PTDSS1: variants seen among roughly 807,000 people sequenced by gnomAD.
PTDSS1 encodes the protein PSS-1.
In PTDSS1, 45 loss-of-function variants were observed where a neutral mutation model predicts 70.5. That is an observed-to-expected ratio of 0.64 (90% CI 0.50 to 0.82). The LOEUF (loss-of-function observed/expected upper bound fraction) is 0.82, where lower values mean the gene tolerates loss of function less well. PTDSS1 is among the 40% of genes least tolerant of loss of function. The probability of loss-of-function intolerance (pLI) is 0.00; values close to 1 mark genes in which losing one functional copy is unlikely to be tolerated. For synonymous variants in PTDSS1, 188 were observed against 203.8 expected (o/e 0.92, Z 0.66); for missense variants, 417 against 586.1 (o/e 0.71, Z 2.98).
At chr8:96,325,108 T>G (rs1025354507) in intron 10 of PTDSS1, among the ~76,000 whole-genome samples, 1 of 152,214 alleles carries the variant, frequency 6.6e-6, no homozygotes, top group Non-Finnish European at 1.5e-5. Flanking sequence ...TGTCATGAAT[T>G]CCACATTTGA....
intron 4 of PTDSS1, chr8:96,287,488 A>G (rs1810840521): frequency 4.1e-6 from 1 of 241,728 alleles, no homozygotes; most frequent in Non-Finnish European, 8.0e-6. Flanking sequence ...TGACATAGTA[A>G]TACTTACTTG....
At chr8:96,297,637 C>T (rs1810994197) in intron 5 of PTDSS1, among the ~76,000 whole-genome samples, 1 of 152,206 alleles carries the variant, frequency 6.6e-6, no homozygotes, top group South Asian at 2.1e-4. Flanking sequence ...CTACCTGCTG[C>T]TCCTCCCTCT....
At chr8:96,288,184 G>A (rs1053877909) in intron 4 of PTDSS1, among the ~76,000 whole-genome samples, 2 of 152,146 alleles carry the variant, frequency 1.3e-5, no homozygotes, top group African/African-American at 4.8e-5. Context: ...TACCTAGGGT[G>A]AGGTCCAGCA....
At chr8:96,328,360 C>A (rs1490359543) in intron 10 of PTDSS1, among the ~76,000 whole-genome samples, 2 of 152,232 alleles carry the variant, frequency 1.3e-5, no homozygotes, top group African/African-American at 2.4e-5. Flanking sequence ...GTCCTTCCCA[C>A]TCTTTCCATG....
chr8:96,317,045 GTGTATATATATA>G (rs1191460546), intron 9 of PTDSS1, among the ~76,000 whole-genome samples: 14 of 126,198 alleles, frequency 1.1e-4, no homozygotes, highest in Non-Finnish European at 2.3e-4. Context: ...ATATATATGT[GTGTATATATATA>G]TGTGTGTGTG....
At chr8:96,300,214 T>G (rs17707686) in intron 6 of PTDSS1, among the ~76,000 whole-genome samples, 12,003 of 152,176 alleles carry the variant, frequency 0.079, 532 homozygotes, top group African/African-American at 0.099. Flanking sequence ...CCCACACCAT[T>G]GCTTGAGTGA....
intron 1 of PTDSS1, among the ~76,000 whole-genome samples, chr8:96,265,711 C>T (rs897652628): frequency 3.7e-4 from 57 of 152,322 alleles, no homozygotes; most frequent in African/African-American, 1.3e-3. Context: ...AGCTGAATCA[C>T]GCCACCATAC....
At chr8:96,276,692 C>G (rs1810646914) in intron 2 of PTDSS1, among the ~76,000 whole-genome samples, 1 of 152,146 alleles carries the variant, frequency 6.6e-6, no homozygotes, top group African/African-American at 2.4e-5. Context: ...CTGGCTTTCT[C>G]CATAATATGT....
intron 7 of PTDSS1, among the ~76,000 whole-genome samples, chr8:96,305,505 C>T (rs1026782725): frequency 6.6e-6 from 1 of 152,152 alleles, no homozygotes; most frequent in African/African-American, 2.4e-5. Flanking sequence ...TGCTACTCAT[C>T]ATGATGAACT....
Position 96,315,891 on chromosome 8 carries a change from C to T in PTDSS1, c.1074-4355C>T, listed in dbSNP as rs77602113. 4.0e-3 allele frequency among the ~76,000 whole-genome samples: 611 copies of T among 152,194 alleles called. 4 individuals are homozygous for T. Among genetic ancestry groups the T allele is most frequent in the Non-Finnish European group, 6.3e-3 (430 of 68,004 alleles). The stretch of plus-strand genomic sequence containing the variant: ...TAAAGGGACCTATTGCTGAGCTGTG[C>T]GGAGGAAACCCCAGCACCCCTGGGG... On this transcript the variant is annotated intron_variant, in intron 9 of 12. Transcript: ENST00000517309.
chr8:96,278,088 C>T (rs1810675146), intron 2 of PTDSS1, among the ~76,000 whole-genome samples: 1 of 152,214 alleles, frequency 6.6e-6, no homozygotes, highest in Non-Finnish European at 1.5e-5. Flanking sequence ...TCCTGCAGTG[C>T]CAGCCATGTA....
intron 4 of PTDSS1, among the ~76,000 whole-genome samples, chr8:96,289,809 T>G (rs372905768): frequency 6.6e-6 from 1 of 152,276 alleles, no homozygotes; most frequent in African/African-American, 2.4e-5. Flanking sequence ...TATAAATTTT[T>G]TAAGGGATAT....
In PTDSS1 at chr8:96,262,782, G is replaced by A. The variant is rs1225736550; in HGVS notation, c.179+563G>A. On this transcript the variant is annotated intron_variant, in intron 1 of 12. Coordinates refer to ENST00000517309, the MANE Select transcript of PTDSS1 (RefSeq NM_014754.3). This position sits in a 1 kb window ranked among gnomAD's most constrained non-coding sequence, Gnocchi z 4.4. ...GTGCTGCATACACGGTCTTTCCTGT[G>A]CAGCACTTCCCGTATGCATTGCACA... Among the ~76,000 whole-genome samples the A allele has an allele frequency of 1.3e-5, 2 of 152,186 alleles. No homozygotes were observed. The highest frequency in any genetic ancestry group is 6.5e-5 in the Admixed American group (1 of 15,280).
chr8:96,287,129 A>T lies in PTDSS1; in HGVS notation c.424A>T (p.Arg142Trp), dbSNP rs773452274. ...AGATCCAAATCTTCGATACGCCACA[A>T]GGGAAGCAGATGTCATGGTATGTAC... ...WLDPNLRYATREADVMEYAVN... is the reference protein window; with the variant it reads ...WLDPNLRYATWEADVMEYAVN... The change falls in exon 4 of 13, where the codon AGG becomes TGG. Residue 142 changes from arginine (R) to tryptophan (W), a missense_variant. Arg to Trp is a moderately radical substitution (Grantham distance 101). Around this residue, in one of 3 missense-constraint regions of PTDSS1, gnomAD observed 272 missense variants for 429.5 expected, o/e 0.63. Transcript: ENST00000517309. 1 of 1,614,208 alleles carries T rather than the reference A, an allele frequency of 6.2e-7. No homozygotes were observed. The highest frequency in any genetic ancestry group is 8.5e-7 in the Non-Finnish European group (1 of 1,180,024).
At chr8:96,301,099 T>C (rs540010117) in intron 6 of PTDSS1, among the ~76,000 whole-genome samples, 1 of 152,346 alleles carries the variant, frequency 6.6e-6, no homozygotes, top group South Asian at 2.1e-4. Flanking sequence ...GCCATAAATG[T>C]GACTTTATTT....
At position 96,336,976 on chromosome 8, in the gene PTDSS1, C is replaced by T. The variant is rs1432438529; in HGVS notation, c.*3410C>T. On this transcript the variant is annotated 3_prime_UTR_variant, in exon 13 of 13. Coordinates refer to ENST00000517309, the MANE Select transcript of PTDSS1 (RefSeq NM_014754.3). ...ACGCCACCGCACTCTCTAACCTGGG[C>T]GACAGAGCGAGACTATCTCAAAAAA... 1 of 118,210 alleles carries T rather than the reference C, an allele frequency of 8.5e-6. No individual in the cohort carries two copies. The highest frequency in any genetic ancestry group is 1.6e-5 in the Non-Finnish European group (1 of 62,454). 7.3% of individuals were successfully genotyped at this position (118,210 alleles called of 1,614,324 possible).
At chr8:96,292,434 A>G (rs1282657391) in intron 4 of PTDSS1, among the ~76,000 whole-genome samples, 1 of 152,220 alleles carries the variant, frequency 6.6e-6, no homozygotes, top group Non-Finnish European at 1.5e-5. Flanking sequence ...ATAGTTAAAA[A>G]TGGTACAGTC....
At chr8:96,298,018 G>T (rs1810999007) in intron 5 of PTDSS1, among the ~76,000 whole-genome samples, 1 of 152,218 alleles carries the variant, frequency 6.6e-6, no homozygotes, top group Non-Finnish European at 1.5e-5. Flanking sequence ...TAGGCTGGAG[G>T]ATGTCCTCCA....
rs1418990650 is a variant in PTDSS1 at position 96,335,106 on chromosome 8, G to T, written c.*1540G>T. 6.6e-6 allele frequency: 1 copy of T among 152,188 alleles called. No homozygotes were observed. Among genetic ancestry groups the T allele is most frequent in the African/African-American group, 2.4e-5 (1 of 41,436 alleles). The allele number at this position is 152,188 out of a possible 1,614,324, so 9.4% of individuals were successfully genotyped here. A position where few individuals can be genotyped will look rare whatever the true frequency, so the allele number is the denominator to read the frequency against. ...CGTCAGTGGCAGCTCCGCTCACTTG[G>T]TGAGTGAGGGATTTGGCTGTGATGA... On this transcript the variant is annotated 3_prime_UTR_variant, in exon 13 of 13. Coordinates refer to ENST00000517309, the MANE Select transcript of PTDSS1 (RefSeq NM_014754.3).
Sources: gnomAD v4.1 joint callset for allele counts (sites outside exome capture counted in the v4.1 genomes callset) on GRCh38, gnomAD v4.1.1 for gene constraint, gnomAD v4.1.1 regional missense constraint, Gnocchi (gnomAD v3.1) non-coding constraint, MANE v1.5 for transcripts, NCBI Gene and HGNC (gene_info 2026-07-23, HGNC 2026-07-21) for gene names.